The following AGBL4 variants were observed in gnomAD, a reference collection of about 807,000 sequenced individuals.
AGBL4 encodes AGBL carboxypeptidase 4, also known as cytosolic carboxypeptidase 6.
AGBL4 carries 58 observed loss-of-function variants against 66.4 expected under a neutral mutation model. The observed-to-expected ratio is 0.87, with a 90% CI of 0.71 to 1.09. The LOEUF is 1.09. Among genes scored for constraint, AGBL4 ranks in the 50% least tolerant of loss-of-function variants. AGBL4 has a pLI of 0.00. For missense variants in AGBL4, 579 were observed against 631.0 expected, an observed-to-expected ratio of 0.92 and a Z score of 0.88; for synonymous variants, 234 against 222.9, an observed-to-expected ratio of 1.05 and a Z score of -0.44.
chr1:49,542,306 C>T (rs1179533550), intron 3 of AGBL4, among the ~76,000 whole-genome samples: 1 of 152,186 alleles, frequency 6.6e-6, no homozygotes, highest in Non-Finnish European at 1.5e-5. Context: ...ATAAATCTTG[C>T]TGCTGCTCAC....
chr1:49,160,222 T>A (rs1194068165), intron 4 of AGBL4, among the ~76,000 whole-genome samples: 2 of 152,220 alleles, frequency 1.3e-5, no homozygotes, highest in African/African-American at 4.8e-5. Flanking sequence ...GGATCTTTGA[T>A]GTTGGTGACA....
intron 1 of AGBL4, among the ~76,000 whole-genome samples, chr1:50,015,792 AACAG>A (rs1159014212): frequency 1.3e-5 from 2 of 152,202 alleles, no homozygotes; most frequent in Non-Finnish European, 1.5e-5. Flanking sequence ...CTAGTACAAA[AACAG>A]ACACAAAGAC....
At chr1:48,786,928 AAGAAT>A (rs1247791091) in intron 6 of AGBL4, among the ~76,000 whole-genome samples, 1 of 152,246 alleles carries the variant, frequency 6.6e-6, no homozygotes, top group African/African-American at 2.4e-5. Flanking sequence ...GAATAAGAAT[AAGAAT>A]AGAGATAATA....
chr1:48,925,660 AATCTG>A (rs1341557633), intron 5 of AGBL4, among the ~76,000 whole-genome samples: 2 of 152,238 alleles, frequency 1.3e-5, no homozygotes, highest in Non-Finnish European at 2.9e-5. Flanking sequence ...AAGAAAAAAT[AATCTG>A]CACGTTTGAT....
rs563852078 is a variant in AGBL4, at chr1:49,448,441, C to T, written c.283-202577G>A. ...AGAGAAAGAGAAACTTGTCTCTCCC[C>T]GATTCAGAATGAAGTCTCAGCAGAT... On this transcript the variant is annotated intron_variant, in intron 3 of 13. Transcript: ENST00000371839. Among the ~76,000 whole-genome samples, 43 of 152,272 alleles carry T rather than the reference C, an allele frequency of 2.8e-4. No individual in the cohort carries two copies. In the South Asian group the frequency reaches 7.7e-3, roughly 27 times the overall value.
At chr1:49,199,871 G>C (rs1019933236) in intron 4 of AGBL4, among the ~76,000 whole-genome samples, 3 of 152,088 alleles carry the variant, frequency 2.0e-5, no homozygotes. Flanking sequence ...CTTGCTGTTT[G>C]TTATAAACAG....
intron 5 of AGBL4, among the ~76,000 whole-genome samples, chr1:49,037,021 C>T (rs968987894): frequency 2.6e-5 from 4 of 151,464 alleles, no homozygotes; most frequent in Admixed American, 6.6e-5. Flanking sequence ...TGAAGTTTCT[C>T]GAACGTTAAA....
At chr1:49,841,341 G>C (rs1645983460) in intron 2 of AGBL4, among the ~76,000 whole-genome samples, 1 of 152,160 alleles carries the variant, frequency 6.6e-6, no homozygotes, top group Middle Eastern at 3.2e-3. Flanking sequence ...AAAGAAATCA[G>C]AGATGACACA....
At chr1:49,483,860 G>A (rs1647007918) in intron 3 of AGBL4, among the ~76,000 whole-genome samples, 1 of 151,758 alleles carries the variant, frequency 6.6e-6, no homozygotes, top group African/African-American at 2.4e-5. Flanking sequence ...CATCTGACAA[G>A]GAATTAATAA....
chr1:49,201,060 G>A (rs1235678174), intron 4 of AGBL4, among the ~76,000 whole-genome samples: 1 of 152,004 alleles, frequency 6.6e-6, no homozygotes, highest in Non-Finnish European at 1.5e-5. Context: ...TGGATATCAG[G>A]AAAAAAGAGG....
chr1:49,768,590 G>A (rs1157040182), intron 2 of AGBL4, among the ~76,000 whole-genome samples: 1 of 152,004 alleles, frequency 6.6e-6, no homozygotes, highest in African/African-American at 2.4e-5. Context: ...GGAAAATCTG[G>A]AACAATTCCC....
At chr1:49,201,893 A>G (rs907509936) in intron 4 of AGBL4, among the ~76,000 whole-genome samples, 1 of 152,118 alleles carries the variant, frequency 6.6e-6, no homozygotes, top group East Asian at 1.9e-4. Flanking sequence ...AAGAGAGCAC[A>G]TGTATATACG....
At chr1:48,954,461 C>T (rs1657265493) in intron 5 of AGBL4, among the ~76,000 whole-genome samples, 1 of 152,196 alleles carries the variant, frequency 6.6e-6, no homozygotes, top group African/African-American at 2.4e-5. Flanking sequence ...TGCAGAGTCA[C>T]AGAGAGCAGA....
intron 6 of AGBL4, among the ~76,000 whole-genome samples, chr1:48,830,395 T>G (rs1249887695): frequency 6.6e-6 from 1 of 152,174 alleles, no homozygotes; most frequent in Non-Finnish European, 1.5e-5. Context: ...TTATACATGT[T>G]AAGAACCAAG....
intron 1 of AGBL4, among the ~76,000 whole-genome samples, chr1:49,894,640 A>C (rs963454975): frequency 2.0e-5 from 3 of 152,224 alleles, no homozygotes. Flanking sequence ...TGCGAAAGAC[A>C]CTCTTAATAG....
At chr1:49,298,501 C>T (rs1451159366) in intron 3 of AGBL4, among the ~76,000 whole-genome samples, 1 of 152,134 alleles carries the variant, frequency 6.6e-6, no homozygotes, top group Non-Finnish European at 1.5e-5. Context: ...TACAAGCTGG[C>T]CAGGCTCCAA....
intron 3 of AGBL4, among the ~76,000 whole-genome samples, chr1:49,247,640 T>C (rs1651751122): frequency 6.6e-6 from 1 of 152,056 alleles, no homozygotes; most frequent in Non-Finnish European, 1.5e-5. Context: ...CTGGAAGCCA[T>C]ACTGCACTTT....
intron 2 of AGBL4, among the ~76,000 whole-genome samples, chr1:49,826,763 C>T (rs1645520851): frequency 6.6e-6 from 1 of 152,150 alleles, no homozygotes; most frequent in African/African-American, 2.4e-5. Flanking sequence ...GTTTTGTGCA[C>T]CTATTAAGAG....
rs1323881905 is a variant in AGBL4, at chr1:48,587,122, G to A, written c.1149C>T (p.Gly383=). 1.3e-6 allele frequency: 2 copies of A among 1,566,934 alleles called. No homozygotes were observed. Among genetic ancestry groups the A allele is most frequent in the Non-Finnish European group, 8.7e-7 (1 of 1,156,064 alleles). ...CCAGGAGTCCACCGAGGAAGCGACG[G>A]CCAGTTCCTGCTTTCACAGCGTCCC... ...FNRDAVKAGT[G]RRFLGGLLDH... The change falls in exon 11 of 14, where the codon GGC becomes GGT. Residue 383 remains glycine (G), a synonymous_variant. Transcript: ENST00000371839.
Sources: gnomAD v4.1 joint callset for allele counts (sites outside exome capture counted in the v4.1 genomes callset) on GRCh38, gnomAD v4.1.1 for gene constraint, MANE v1.5 for transcripts, NCBI Gene and HGNC (gene_info 2026-07-23, HGNC 2026-07-21) for gene names.